The following NKAIN2 variants were observed in gnomAD, a reference collection of about 807,000 sequenced individuals.
NKAIN2 encodes sodium/potassium-transporting ATPase subunit beta-1-interacting protein 2.
In NKAIN2, 14 loss-of-function variants were observed where a neutral mutation model predicts 32.6. The ratio of observed to expected loss-of-function variants is 0.43; its 90% confidence interval spans 0.28 to 0.67. The LOEUF (loss-of-function observed/expected upper bound fraction) is 0.67, where lower values mean the gene tolerates loss of function less well. Ranked by LOEUF, NKAIN2 falls within the 30% of genes least tolerant of loss-of-function variation. The probability of loss-of-function intolerance (pLI) is 0.17; values close to 1 mark genes in which losing one functional copy is unlikely to be tolerated. For missense variants in NKAIN2, 198 were observed against 258.3 expected (o/e 0.77, Z 1.60); for synonymous variants, 80 against 87.2 (o/e 0.92, Z 0.46).
intron 3 of NKAIN2, among the ~76,000 whole-genome samples, chr6:124,499,728 G>A (rs1778210230): frequency 6.6e-6 from 1 of 152,198 alleles, no homozygotes; most frequent in South Asian, 2.1e-4. Context: ...GCTCTGTGAG[G>A]ATTTATATGG....
intron 3 of NKAIN2, among the ~76,000 whole-genome samples, chr6:124,431,080 G>A (rs1775198769): frequency 6.6e-6 from 1 of 152,144 alleles, no homozygotes; most frequent in Admixed American, 6.6e-5. Flanking sequence ...TTTTTAGAGA[G>A]ACTAATTCCT....
At chr6:124,410,677 T>C (rs906973151) in intron 3 of NKAIN2, among the ~76,000 whole-genome samples, 14 of 152,178 alleles carry the variant, frequency 9.2e-5, no homozygotes, top group African/African-American at 2.7e-4. Context: ...ATTCTATTGA[T>C]TTGGGGTGGA....
At chr6:124,464,076 G>A (rs942482169) in intron 3 of NKAIN2, among the ~76,000 whole-genome samples, 8 of 151,924 alleles carry the variant, frequency 5.3e-5, no homozygotes, top group East Asian at 3.9e-4. Flanking sequence ...TCCATCTCCC[G>A]GGTTCAAATG....
intron 4 of NKAIN2, among the ~76,000 whole-genome samples, chr6:124,662,238 A>C (rs940203281): frequency 3.3e-5 from 5 of 152,168 alleles, no homozygotes; most frequent in African/African-American, 4.8e-5. Context: ...ATTATACTTT[A>C]CTTCCTGTGA....
chr6:124,611,580 A>G (rs1288634949), intron 3 of NKAIN2, among the ~76,000 whole-genome samples: 1 of 152,050 alleles, frequency 6.6e-6, no homozygotes, highest in African/African-American at 2.4e-5. Context: ...CCCTCTGTCC[A>G]TGTGTTCTCG....
chr6:123,963,877 T>C (rs536371135), intron 1 of NKAIN2, among the ~76,000 whole-genome samples: 15 of 152,318 alleles, frequency 9.8e-5, no homozygotes, highest in African/African-American at 2.9e-4. Context: ...TTATGTGTGG[T>C]CGCTACAATT....
intron 1 of NKAIN2, among the ~76,000 whole-genome samples, chr6:124,212,177 A>G (rs1180329267): frequency 6.6e-6 from 1 of 152,094 alleles, no homozygotes; most frequent in Non-Finnish European, 1.5e-5. Flanking sequence ...AACTTGCCTA[A>G]GGCATTAATT....
chr6:124,805,859 T>C (rs1011616524), intron 5 of NKAIN2, among the ~76,000 whole-genome samples: 22 of 152,254 alleles, frequency 1.4e-4, no homozygotes, highest in African/African-American at 4.6e-4. Context: ...CCTCAGGAGC[T>C]GATGCAATCA....
intron 1 of NKAIN2, among the ~76,000 whole-genome samples, chr6:124,067,689 A>T (rs922733024): frequency 6.6e-6 from 1 of 152,176 alleles, no homozygotes; most frequent in Non-Finnish European, 1.5e-5. Flanking sequence ...AAACATCAGT[A>T]TGATAATATA....
chr6:124,014,212 A>T (rs930453463), intron 1 of NKAIN2, among the ~76,000 whole-genome samples: 2 of 152,208 alleles, frequency 1.3e-5, no homozygotes, highest in African/African-American at 4.8e-5. Context: ...AAAATTGAAT[A>T]AAAAAGATAA....
At chr6:124,368,496 C>T (rs1799616834) in intron 3 of NKAIN2, among the ~76,000 whole-genome samples, 1 of 151,998 alleles carries the variant, frequency 6.6e-6, no homozygotes, top group African/African-American at 2.4e-5. Flanking sequence ...TTGTGGGCCT[C>T]AAAAAATATG....
At chr6:124,090,145 A>G (rs1784353806) in intron 1 of NKAIN2, among the ~76,000 whole-genome samples, 1 of 151,844 alleles carries the variant, frequency 6.6e-6, no homozygotes, top group African/African-American at 2.4e-5. Flanking sequence ...TGTCGAATGG[A>G]TAAGTTAAAA....
At chr6:124,654,883 C>A (rs1355836839) in intron 3 of NKAIN2, among the ~76,000 whole-genome samples, 1 of 152,096 alleles carries the variant, frequency 6.6e-6, no homozygotes, top group Non-Finnish European at 1.5e-5. Flanking sequence ...TTACTTACAC[C>A]AGGATCTTAG....
intron 1 of NKAIN2, among the ~76,000 whole-genome samples, chr6:124,112,238 G>T (rs540017672): frequency 1.3e-5 from 2 of 152,036 alleles, no homozygotes; most frequent in Admixed American, 6.6e-5. Context: ...TTCTTGTAAG[G>T]CAGGTCCGGT....
At chr6:124,031,616 T>C (rs1226304388) in intron 1 of NKAIN2, among the ~76,000 whole-genome samples, 3 of 152,178 alleles carry the variant, frequency 2.0e-5, no homozygotes, top group Admixed American at 2.0e-4. Flanking sequence ...TGTGTCTTTG[T>C]TCTCACTGGT....
intron 4 of NKAIN2, among the ~76,000 whole-genome samples, chr6:124,692,821 A>G (rs761939992): frequency 6.7e-5 from 10 of 150,122 alleles, no homozygotes; most frequent in Non-Finnish European, 1.3e-4. Context: ...TCTCAAAAGA[A>G]AAAAAAAAAT....
chr6:124,727,788 TC>T (rs1331189557), intron 4 of NKAIN2, among the ~76,000 whole-genome samples: 17 of 93,426 alleles, frequency 1.8e-4, no homozygotes, highest in African/African-American at 4.5e-4. Context: ...TCAAGACCCA[TC>T]AGTGTGCTGT....
intron 3 of NKAIN2, among the ~76,000 whole-genome samples, chr6:124,387,992 G>A (rs1317444367): frequency 9.2e-5 from 14 of 152,000 alleles, no homozygotes; most frequent in Non-Finnish European, 1.5e-5. Context: ...ATAAGGAGAA[G>A]GTGCTACTAT....
In NKAIN2 at chr6:124,482,877, G is replaced by A. The variant is rs112035869; in HGVS notation, c.273+127530G>A. ...TGGCTGGGCGCGGTGGCTCACGCCT[G>A]TAATCCCAGCACTTCGGGAGGCCGA... On this transcript the variant is annotated intron_variant, in intron 3 of 6. Coordinates refer to ENST00000368417, the MANE Select transcript of NKAIN2 (RefSeq NM_001040214.3). Among the ~76,000 whole-genome samples the A allele has an allele frequency of 2.4e-3, 365 of 152,322 alleles. 3 individuals carry two copies. The highest frequency in any genetic ancestry group is 8.2e-3 in the African/African-American group (343 of 41,590).
Sources: allele counts gnomAD v4.1 joint callset (sites outside exome capture counted in the v4.1 genomes callset), GRCh38; gene constraint gnomAD v4.1.1; transcripts MANE v1.5; gene names NCBI Gene and HGNC (gene_info 2026-07-23, HGNC 2026-07-21).